NACC2: variants seen among roughly 807,000 people sequenced by gnomAD.
The protein encoded by NACC2 is NACC family member 2, also known as nucleus accumbens-associated protein 2.
A neutral mutation model predicts 25.1 loss-of-function variants in NACC2; 8 were observed. The ratio of observed to expected loss-of-function variants is 0.32; its 90% confidence interval spans 0.19 to 0.57. NACC2 has a LOEUF of 0.57. Ranked by LOEUF, NACC2 falls within the 20% of genes least tolerant of loss-of-function variation. The probability of loss-of-function intolerance (pLI) is 0.89; values close to 1 mark genes in which losing one functional copy is unlikely to be tolerated. For synonymous variants in NACC2, 435 were observed against 294.7 expected (o/e 1.48, Z -4.88); for missense variants, 644 against 650.2 (o/e 0.99, Z 0.10).
chr9:136,050,434 A>C lies in NACC2; in HGVS notation c.88T>G (p.Cys30Gly). 1.3e-6 allele frequency: 1 copy of C among 767,028 alleles called. No homozygotes were observed. The highest frequency in any genetic ancestry group is 1.7e-5 in the African/African-American group (1 of 59,206). The allele number at this position is 767,028 out of a possible 1,614,324, so 47.5% of individuals were successfully genotyped here. ...LNEQRLLGLY[C>G]DVSIVVKGQA... ...CCCTTGACCACGATGGACACATCGC[A>C]GTAGAGGCCCAGCAGGCGCTGCTCG... Residue 30 changes from cysteine (C) to glycine (G), a missense_variant, in exon 2 of 6, where the codon TGC (cysteine) becomes GGC (glycine). By Grantham distance (159) the Cys-to-Gly change is radical (BLOSUM62 -3). Transcript: ENST00000277554.
chr9:136,092,458 G>A (rs1270181507), intron 1 of NACC2, among the ~76,000 whole-genome samples: 2 of 152,186 alleles, frequency 1.3e-5, no homozygotes, highest in African/African-American at 2.4e-5. Context: ...ACGGGCTAGC[G>A]CTACTTCTCT....
intron 1 of NACC2, 139 bp from the exon 2 acceptor site, chr9:136,050,719 G>A (rs1840817576): frequency 4.9e-6 from 3 of 609,958 alleles, no homozygotes; most frequent in Non-Finnish European, 8.8e-6. Context: ...CGCCCCTCCT[G>A]GCTGGGACAC....
At chr9:136,058,543 C>T (rs922027626) in intron 1 of NACC2, among the ~76,000 whole-genome samples, 8 of 152,106 alleles carry the variant, frequency 5.3e-5, no homozygotes, top group East Asian at 1.9e-4. Flanking sequence ...TGGATACACA[C>T]GGACATAAAC....
At chr9:136,053,601 C>T (rs1042536538) in intron 1 of NACC2, among the ~76,000 whole-genome samples, 16 of 152,174 alleles carry the variant, frequency 1.1e-4, no homozygotes, top group Admixed American at 2.0e-4. Context: ...ATGCTGGACA[C>T]AACCCGGGCA....
chr9:136,021,349 A>G (rs942127052), intron 2 of NACC2, among the ~76,000 whole-genome samples: 1 of 152,158 alleles, frequency 6.6e-6, no homozygotes, highest in Non-Finnish European at 1.5e-5. Flanking sequence ...AGTGCGGGAA[A>G]CGTAAAAACA....
chr9:136,031,943 G>T (rs1840480545), intron 2 of NACC2, among the ~76,000 whole-genome samples: 2 of 152,338 alleles, frequency 1.3e-5, no homozygotes, highest in South Asian at 4.1e-4. Context: ...ATGGGCAGCT[G>T]TTAACAGCTT....
chr9:136,056,166 G>A (rs1358707875), intron 1 of NACC2, among the ~76,000 whole-genome samples: 1 of 152,184 alleles, frequency 6.6e-6, no homozygotes, highest in African/African-American at 2.4e-5. Context: ...GATGTGCCAG[G>A]GCCTCAGGGA....
intron 2 of NACC2, among the ~76,000 whole-genome samples, chr9:136,047,656 G>A (rs1840750956): frequency 6.6e-6 from 1 of 152,196 alleles, no homozygotes; most frequent in African/African-American, 2.4e-5. Flanking sequence ...CTGAGTACGG[G>A]GGAGTTGGAG....
At chr9:136,045,942 G>A (rs955089747) in intron 2 of NACC2, among the ~76,000 whole-genome samples, 10 of 152,218 alleles carry the variant, frequency 6.6e-5, no homozygotes, top group East Asian at 1.9e-4. Flanking sequence ...CTGCCTTGCC[G>A]GGGAAGCCCC....
chr9:136,036,423 A>G (rs1198357212), intron 2 of NACC2, among the ~76,000 whole-genome samples: 3 of 152,252 alleles, frequency 2.0e-5, no homozygotes, highest in Non-Finnish European at 4.4e-5. Context: ...AAACAGAAAC[A>G]GACCAAGAAA....
intron 1 of NACC2, among the ~76,000 whole-genome samples, chr9:136,067,824 C>T (rs970154567): frequency 5.3e-5 from 8 of 152,184 alleles, no homozygotes; most frequent in Non-Finnish European, 7.3e-5. Flanking sequence ...CAGGGCGAGA[C>T]GCCATCTCAA....
chr9:136,044,434 GCCCTTCAAAGCAGAAGGAA>G (rs1438338783), intron 2 of NACC2, among the ~76,000 whole-genome samples: 247 of 152,242 alleles, frequency 1.6e-3, no homozygotes, highest in Non-Finnish European at 3.0e-3. Context: ...AGGGGTATTG[GCCCTTCAAAGCAGAAGGAA>G]CCCTTCACCC....
chr9:136,058,651 C>T (rs1021248441), intron 1 of NACC2, among the ~76,000 whole-genome samples: 2 of 152,196 alleles, frequency 1.3e-5, no homozygotes, highest in Non-Finnish European at 2.9e-5. Context: ...ACCTGAGTGA[C>T]GAGCTCGATC....
chr9:136,081,856 C>T (rs1022223001), intron 1 of NACC2, among the ~76,000 whole-genome samples: 1 of 151,960 alleles, frequency 6.6e-6, no homozygotes, highest in Non-Finnish European at 1.5e-5. Flanking sequence ...GGGCAGCCAG[C>T]CCCCACCCCC....
chr9:136,034,065 A>T (rs1040889371), intron 2 of NACC2, among the ~76,000 whole-genome samples: 7 of 152,310 alleles, frequency 4.6e-5, no homozygotes, highest in African/African-American at 1.4e-4. Context: ...TTCAGAAAAA[A>T]TTTTTAAAAA....
At chr9:136,045,292 C>T (rs1840703447) in intron 2 of NACC2, among the ~76,000 whole-genome samples, 1 of 78,474 alleles carries the variant, frequency 1.3e-5, no homozygotes, top group South Asian at 3.6e-4. Context: ...ATGCACAGGG[C>T]CACCCACTCA....
chr9:136,048,869 G>T (rs1344496091), intron 2 of NACC2, among the ~76,000 whole-genome samples: 8 of 152,170 alleles, frequency 5.3e-5, no homozygotes. Context: ...TGCCCCTCGG[G>T]GTCCACCACC....
At position 136,008,544 on chromosome 9, in the gene NACC2, G is replaced by C. The variant is rs1354299331; in HGVS notation, c.*2972C>G. ...CTGAGTGGCTCGTCTCTCTCTACAG[G>C]GTCTGGATGAGTCAGGGTCACACTC... is the stretch of plus-strand genomic sequence containing the variant. On this transcript the variant is annotated 3_prime_UTR_variant, in exon 6 of 6. Coordinates refer to ENST00000277554, the MANE Select transcript of NACC2 (RefSeq NM_144653.5). The C allele has an allele frequency of 6.6e-6, 1 of 152,264 alleles. No homozygotes were observed. The highest frequency in any genetic ancestry group is 1.5e-5 in the Non-Finnish European group (1 of 68,102). The allele number at this position is 152,264 out of a possible 1,614,324, so 9.4% of individuals were successfully genotyped here.
chr9:136,089,529 C>T lies in NACC2; in HGVS notation c.-60+5660G>A, dbSNP rs948295506. On this transcript the variant is annotated intron_variant, in intron 1 of 5. Transcript: ENST00000277554. Reference sequence around the variant, plus strand: ...GGGCTCCTGTTAGCCCCTCCCCCAGCGCTGGGGGCCTCTCCCCAAGAAGGT... The same window carrying T: ...GGGCTCCTGTTAGCCCCTCCCCCAGTGCTGGGGGCCTCTCCCCAAGAAGGT... 5.3e-5 allele frequency among the ~76,000 whole-genome samples: 8 copies of T among 151,876 alleles called. No individual in the cohort carries two copies. In the East Asian group the frequency reaches 5.8e-4, roughly 11 times the overall value.
Sources: allele counts gnomAD v4.1 joint callset (sites outside exome capture counted in the v4.1 genomes callset), GRCh38; gene constraint gnomAD v4.1.1; transcripts MANE v1.5; gene names NCBI Gene and HGNC (gene_info 2026-07-23, HGNC 2026-07-21).